OSBP2: variants seen among roughly 807,000 people sequenced by gnomAD.
The protein encoded by OSBP2 is oxysterol binding protein 2.
Under a neutral mutation model 96.0 loss-of-function variants are expected in OSBP2, and 66 were observed. The observed-to-expected ratio is 0.69, with a 90% CI of 0.56 to 0.84. The LOEUF is 0.84. OSBP2 is among the 40% of genes least tolerant of loss of function. The probability of loss-of-function intolerance (pLI) is 0.00; values close to 1 mark genes in which losing one functional copy is unlikely to be tolerated. For synonymous variants in OSBP2, 525 were observed against 520.9 expected (o/e 1.01, Z -0.11); for missense variants, 1,038 against 1,222.7 (o/e 0.85, Z 2.25).
chr22:30,757,290 TC>T lies in OSBP2; in HGVS notation c.853+15927del, dbSNP rs1021223015. On this transcript the variant is annotated intron_variant, in intron 2 of 13. Transcript: ENST00000332585. Reference sequence around the variant, plus strand: ...TCTCTGCCATTACACGCTCCCTGCGTCCCCCCTGCCATATGAATCCCAAATG... The same window carrying T: ...TCTCTGCCATTACACGCTCCCTGCGTCCCCCTGCCATATGAATCCCAAATG... 3.3e-5 allele frequency among the ~76,000 whole-genome samples: 5 copies of T among 151,920 alleles called. No homozygotes were observed. In the East Asian group the frequency reaches 7.7e-4, roughly 23 times the overall value.
At chr22:30,872,222 A>G (rs1387976522) in intron 3 of OSBP2, 1 of 456,364 alleles carries the variant, frequency 2.2e-6, no homozygotes, top group Non-Finnish European at 4.4e-6. Flanking sequence ...CCCACAGACC[A>G]GATTGCTGTA....
intron 2 of OSBP2, among the ~76,000 whole-genome samples, chr22:30,774,922 C>T (rs1184964547): frequency 6.6e-6 from 1 of 152,156 alleles, no homozygotes; most frequent in Non-Finnish European, 1.5e-5. Flanking sequence ...AAAGATCTAA[C>T]ATTTCTATGC....
Position 30,846,833 on chromosome 22 carries a change from G to A in OSBP2, c.854-23596G>A, listed in dbSNP as rs144503231. Among the ~76,000 whole-genome samples the A allele has an allele frequency of 4.1e-3, 617 of 152,174 alleles. 2 individuals carry two copies. The highest frequency in any genetic ancestry group is 7.3e-3 in the Non-Finnish European group (495 of 68,008). On this transcript the variant is annotated intron_variant, in intron 2 of 13. Coordinates refer to ENST00000332585, the MANE Select transcript of OSBP2 (RefSeq NM_030758.4). ...GTGTTATACTTTTTATGTATTGCTGGATTCAATTTGCTAGTACTTTTCTGA... is the reference window on the plus strand; with the variant it reads ...GTGTTATACTTTTTATGTATTGCTGAATTCAATTTGCTAGTACTTTTCTGA...
chr22:30,835,263 G>T (rs1255446668), intron 2 of OSBP2, among the ~76,000 whole-genome samples: 1 of 151,862 alleles, frequency 6.6e-6, no homozygotes, highest in Non-Finnish European at 1.5e-5. Flanking sequence ...TTTCTTCTAG[G>T]AATTTTATAG....
At chr22:30,764,505 CCCTGCTG>C (rs2090246404) in intron 2 of OSBP2, 1 of 575,908 alleles carries the variant, frequency 1.7e-6, no homozygotes, top group Admixed American at 6.4e-5. Flanking sequence ...CTCTCGGGAA[CCCTGCTG>C]CCTGTGTGCC....
chr22:30,776,664 T>C (rs1211271881), intron 2 of OSBP2, among the ~76,000 whole-genome samples: 1 of 152,000 alleles, frequency 6.6e-6, no homozygotes, highest in Non-Finnish European at 1.5e-5. Flanking sequence ...AGAAAAGGGA[T>C]GGCTGGGTCA....
chr22:30,795,768 C>T (rs2090751514), intron 2 of OSBP2, among the ~76,000 whole-genome samples: 1 of 152,218 alleles, frequency 6.6e-6, no homozygotes, highest in Admixed American at 6.5e-5. Context: ...ATCCGCCTGC[C>T]TTGGCCTCCC....
At chr22:30,887,364 CCT>C (rs1299523128) in intron 3 of OSBP2, 60 bp from the exon 4 acceptor site, 11 of 1,443,876 alleles carry the variant, frequency 7.6e-6, no homozygotes, top group Non-Finnish European at 1.1e-5. Context: ...GGTTCACATG[CCT>C]CTGACAGATG....
rs185079620 is a variant in OSBP2 at position 30,753,052 on chromosome 22, G to C, written c.853+11683G>C. Among the ~76,000 whole-genome samples, 138 of 152,300 alleles carry C rather than the reference G, an allele frequency of 9.1e-4. 1 individual carries two copies. The highest frequency in any genetic ancestry group is 3.2e-3 in the African/African-American group (132 of 41,554). On this transcript the variant is annotated intron_variant, in intron 2 of 13. Coordinates refer to ENST00000332585, the MANE Select transcript of OSBP2 (RefSeq NM_030758.4). Reference sequence around the variant, plus strand: ...ACTTTGGAATGCCCTTGGCTGAAAGGAGGAGCCCATTTACATGGTTGTGGC... The same window carrying C: ...ACTTTGGAATGCCCTTGGCTGAAAGCAGGAGCCCATTTACATGGTTGTGGC...
chr22:30,796,392 GA>G (rs1430911687), intron 2 of OSBP2, among the ~76,000 whole-genome samples: 2 of 151,954 alleles, frequency 1.3e-5, no homozygotes, highest in African/African-American at 4.8e-5. Flanking sequence ...ATTTACAAGG[GA>G]AATAATTTTG....
At chr22:30,730,772 C>CTATA (rs2089752761) in intron 1 of OSBP2, among the ~76,000 whole-genome samples, 2 of 20,576 alleles carry the variant, frequency 9.7e-5, no homozygotes, top group Non-Finnish European at 1.9e-4. Context: ...CTCTCTCTCT[C>CTATA]TCTATATATA....
At chr22:30,895,008 A>G (rs994641622) in intron 12 of OSBP2, among the ~76,000 whole-genome samples, 3 of 152,212 alleles carry the variant, frequency 2.0e-5, no homozygotes, top group Non-Finnish European at 2.9e-5. Context: ...GGAAGATCTG[A>G]GAATAACGGA....
rs1251329191 is a variant in OSBP2, at chr22:30,881,675, C to T, written c.1108-5751C>T. The T allele has an allele frequency of 7.7e-7, 1 of 1,304,004 alleles. No homozygotes were observed. Among genetic ancestry groups the T allele is most frequent in the Non-Finnish European group, 1.0e-6 (1 of 988,914 alleles). 80.8% of individuals were successfully genotyped at this position (1,304,004 alleles called of 1,614,324 possible). A position where few individuals can be genotyped will look rare whatever the true frequency, so the allele number is the denominator to read the frequency against. ...CTTATCAAGCACACAGCACACAGCC[C>T]AGCTCAGCATTCTGAGAACAGCAGG... On this transcript the variant is annotated intron_variant, in intron 3 of 13. Transcript: ENST00000332585. The surrounding 1 kb of genome is among the most constrained non-coding windows in gnomAD (Gnocchi z 4.5).
At chr22:30,852,285 A>G (rs2038992103) in intron 2 of OSBP2, among the ~76,000 whole-genome samples, 1 of 152,100 alleles carries the variant, frequency 6.6e-6, no homozygotes, top group African/African-American at 2.4e-5. Context: ...CACCATTTGG[A>G]CCTGAGTTTT....
chr22:30,733,624 G>A (rs1377615671), intron 1 of OSBP2, among the ~76,000 whole-genome samples: 5 of 152,198 alleles, frequency 3.3e-5, no homozygotes, highest in African/African-American at 1.2e-4. Flanking sequence ...AGAGAGAGGG[G>A]ACGGAGGAGG....
chr22:30,873,479 T>C (rs528782306), intron 3 of OSBP2, among the ~76,000 whole-genome samples: 16 of 152,252 alleles, frequency 1.1e-4, no homozygotes, highest in Admixed American at 7.8e-4. Context: ...GACTTGGATA[T>C]GGAAGCCACG....
intron 1 of OSBP2, among the ~76,000 whole-genome samples, chr22:30,738,324 A>C (rs1026970269): frequency 6.6e-6 from 1 of 151,896 alleles, no homozygotes; most frequent in East Asian, 1.9e-4. Flanking sequence ...GAGTCACTAC[A>C]CTTACACCTG....
intron 5 of OSBP2, 55 bp from the exon 6 acceptor site, chr22:30,889,122 T>C: frequency 3.3e-6 from 5 of 1,528,674 alleles, no homozygotes; most frequent in Non-Finnish European, 4.5e-6. Context: ...ATGGGCCAGG[T>C]CCCAAGGAGA....
chr22:30,871,563 C>T lies in OSBP2; in HGVS notation c.1107+881C>T, dbSNP rs902481393. 1.3e-5 allele frequency among the ~76,000 whole-genome samples: 2 copies of T among 152,094 alleles called. No homozygotes were observed. The highest frequency in any genetic ancestry group is 4.8e-5 in the African/African-American group (2 of 41,414). On this transcript the variant is annotated intron_variant, in intron 3 of 13. Transcript: ENST00000332585. The surrounding 1 kb of genome is among the most constrained non-coding windows in gnomAD (Gnocchi z 4.7). ...AGAGGAGCTGTACAGAAATGGAGGC[C>T]GCAGAGGAAGAAGTGAGGTCCAGAG...
Sources: allele counts gnomAD v4.1 joint callset (sites outside exome capture counted in the v4.1 genomes callset), GRCh38; gene constraint gnomAD v4.1.1; non-coding constraint Gnocchi (gnomAD v3.1); transcripts MANE v1.5; gene names NCBI Gene and HGNC (gene_info 2026-07-23, HGNC 2026-07-21).